Variants in ATXN7 observed in about 807,000 individuals in gnomAD.
The protein encoded by ATXN7 is ataxin-7.
In ATXN7, 12 loss-of-function variants were observed where a neutral mutation model predicts 70.5. That is an observed-to-expected ratio of 0.17 (90% CI 0.11 to 0.28). The LOEUF (loss-of-function observed/expected upper bound fraction) is 0.28, where lower values mean the gene tolerates loss of function less well. Among genes scored for constraint, ATXN7 ranks in the 10% least tolerant of loss-of-function variants. The pLI is 1.00. For missense variants in ATXN7, 1,256 were observed against 1,131.7 expected (o/e 1.11, Z -1.58); for synonymous variants, 498 against 448.7 (o/e 1.11, Z -1.39).
chr3:63,997,903 GTTA>G (rs1293519795), intron 12 of ATXN7: 1 of 985,224 alleles, frequency 1.0e-6, no homozygotes, highest in African/African-American at 1.7e-5. Flanking sequence ...TGCATTATGG[GTTA>G]TTATATGTTG....
At chr3:63,923,864 G>A (rs1704598186) in intron 4 of ATXN7, among the ~76,000 whole-genome samples, 1 of 152,172 alleles carries the variant, frequency 6.6e-6, no homozygotes, top group Admixed American at 6.5e-5. Context: ...GAAGGGGGAG[G>A]AATGTAGGGA....
At position 63,996,205 on chromosome 3, in the gene ATXN7, G is replaced by A. The variant is rs781517406; in HGVS notation, c.2383G>A (p.Val795Met). Residue 795 changes from valine to methionine, a missense_variant, in exon 12 of 13, where the codon GTG (valine) becomes ATG (methionine). Val to Met is a conservative substitution (Grantham distance 21). Coordinates refer to ENST00000674280, the MANE Select transcript of ATXN7 (RefSeq NM_001377405.1). The stretch of plus-strand genomic sequence containing the variant: ...ATCCATCAAGAGGATGAGTGTGATG[G>A]TGAACAGCAGTGATTCTACTCTTTC... Reference protein sequence around the residue: ...AESIKRMSVMVNSSDSTLSLG... With the variant: ...AESIKRMSVMMNSSDSTLSLG... 136 of 1,614,044 alleles carry A rather than the reference G, an allele frequency of 8.4e-5. No homozygotes were observed. Among genetic ancestry groups the A allele is most frequent in the Non-Finnish European group, 1.1e-4 (132 of 1,180,040 alleles).
chr3:63,875,771 A>T (rs1702731576), intron 1 of ATXN7, among the ~76,000 whole-genome samples: 1 of 152,096 alleles, frequency 6.6e-6, no homozygotes, highest in Non-Finnish European at 1.5e-5. Context: ...AGCACTTGAC[A>T]CTTTTGTTTA....
intron 4 of ATXN7, among the ~76,000 whole-genome samples, chr3:63,949,475 GGCA>G (rs2074918781): frequency 6.6e-6 from 1 of 151,928 alleles, no homozygotes; most frequent in East Asian, 1.9e-4. Context: ...CTTGGCTCAT[GGCA>G]ACCTCCACCT....
intron 5 of ATXN7, among the ~76,000 whole-genome samples, chr3:63,957,351 C>A (rs919837324): frequency 1.3e-5 from 2 of 152,160 alleles, no homozygotes; most frequent in Non-Finnish European, 2.9e-5. Flanking sequence ...ATTTGTTCAC[C>A]TTTGGGCTCA....
intron 2 of ATXN7, among the ~76,000 whole-genome samples, chr3:63,907,190 C>A (rs1178673616): frequency 6.6e-6 from 1 of 152,150 alleles, no homozygotes; most frequent in Non-Finnish European, 1.5e-5. Flanking sequence ...CACAGAGAGG[C>A]TAAGTGATTT....
intron 1 of ATXN7, among the ~76,000 whole-genome samples, chr3:63,869,856 A>T (rs1396609102): frequency 6.6e-6 from 1 of 152,230 alleles, no homozygotes; most frequent in Non-Finnish European, 1.5e-5. Flanking sequence ...CAGGTATCCC[A>T]ACATCTTGAT....
At chr3:63,990,942 G>A in intron 11 of ATXN7, 83 bp downstream of exon 11, 7 of 1,596,112 alleles carry the variant, frequency 4.4e-6, no homozygotes, top group African/African-American at 2.7e-5. Flanking sequence ...CTGATGTTAT[G>A]AAGATATGCT....
intron 4 of ATXN7, among the ~76,000 whole-genome samples, chr3:63,914,929 T>C (rs995743448): frequency 6.6e-6 from 1 of 152,174 alleles, no homozygotes; most frequent in Admixed American, 6.5e-5. Context: ...TTTTGTTTTG[T>C]TTTTTGAGAC....
rs533422219 is a variant in ATXN7, at chr3:63,870,849, C to T, written c.-111+6691C>T. 3.9e-5 allele frequency among the ~76,000 whole-genome samples: 6 copies of T among 152,138 alleles called. No individual in the cohort carries two copies. The South Asian group carries it at 1.0e-3, about 26-fold the overall frequency. On this transcript the variant is annotated intron_variant, in intron 1 of 12. Coordinates refer to ENST00000674280, the MANE Select transcript of ATXN7 (RefSeq NM_001377405.1). Reference sequence around the variant, plus strand: ...GATATGTTTGGCTTTATAAAGCACACAAAAATTCCTCTTGTGTTCTAACCC... The same window carrying T: ...GATATGTTTGGCTTTATAAAGCACATAAAAATTCCTCTTGTGTTCTAACCC...
In ATXN7 at chr3:63,999,757, T is replaced by G; in HGVS notation, c.*290T>G. The stretch of plus-strand genomic sequence containing the variant: ...CTACCAATCTGTGAGAAGTTTTTGT[T>G]TTTGTTTTGTTTTTTAACTTGCAGT... On this transcript the variant is annotated 3_prime_UTR_variant, in exon 13 of 13. Coordinates refer to ENST00000674280, the MANE Select transcript of ATXN7 (RefSeq NM_001377405.1). 1 of 565,454 alleles carries G rather than the reference T, an allele frequency of 1.8e-6. No individual in the cohort carries two copies. Among genetic ancestry groups the G allele is most frequent in the Admixed American group, 3.1e-5 (1 of 32,678 alleles). 35.0% of individuals were successfully genotyped at this position (565,454 alleles called of 1,614,324 possible).
intron 5 of ATXN7, among the ~76,000 whole-genome samples, chr3:63,976,988 C>T (rs2075399026): frequency 6.6e-6 from 1 of 152,198 alleles, no homozygotes; most frequent in Non-Finnish European, 1.5e-5. Context: ...AGGGTTGCAG[C>T]TTGACTGTGA....
At chr3:63,901,298 T>G (rs918570226) in intron 2 of ATXN7, 2 of 152,226 alleles carry the variant, frequency 1.3e-5, no homozygotes, top group Admixed American at 1.3e-4. Flanking sequence ...TCTTTGCAAT[T>G]TGCAAGAATA....
rs1215274314 is a variant in ATXN7, at chr3:63,920,199, A to G, written c.394+6974A>G. Among the ~76,000 whole-genome samples the G allele has an allele frequency of 2.0e-5, 3 of 152,286 alleles. No individual in the cohort carries two copies. In the East Asian group the frequency reaches 5.8e-4, roughly 29 times the overall value. On this transcript the variant is annotated intron_variant, in intron 4 of 12. Coordinates refer to ENST00000674280, the MANE Select transcript of ATXN7 (RefSeq NM_001377405.1). The stretch of plus-strand genomic sequence containing the variant: ...TCATGTTTCGCAATTCATGGAGACC[A>G]TGCACATGTTTCCATGTGCACAGTA...
intron 5 of ATXN7, among the ~76,000 whole-genome samples, chr3:63,958,080 G>A (rs1250076353): frequency 2.0e-5 from 3 of 152,158 alleles, no homozygotes; most frequent in South Asian, 2.1e-4. Flanking sequence ...GTTCACAAAC[G>A]GAAGTGTCAA....
chr3:64,001,602 T>C lies in ATXN7; in HGVS notation c.*2135T>C, dbSNP rs1270056763. On this transcript the variant is annotated 3_prime_UTR_variant, in exon 13 of 13. Coordinates refer to ENST00000674280, the MANE Select transcript of ATXN7 (RefSeq NM_001377405.1). The stretch of plus-strand genomic sequence containing the variant: ...ACAAGTTGATTCAGACTAATGTAGA[T>C]ATTTAGATTAGCAAGTATTGAACAT... The C allele has an allele frequency of 6.6e-6, 1 of 152,252 alleles. No individual in the cohort carries two copies. The highest frequency in any genetic ancestry group is 1.5e-5 in the Non-Finnish European group (1 of 68,038). The allele number at this position is 152,252 out of a possible 1,614,324, so 9.4% of individuals were successfully genotyped here.
chr3:63,999,292 G>A lies in ATXN7; in HGVS notation c.2662-158G>A, dbSNP rs1332400441. 6 of 632,998 alleles carry A rather than the reference G, an allele frequency of 9.5e-6. No homozygotes were observed. The East Asian group carries it at 1.7e-4, about 17-fold the overall frequency. 39.2% of individuals were successfully genotyped at this position (632,998 alleles called of 1,614,324 possible). On this transcript the variant is annotated intron_variant, in intron 12 of 12. Coordinates refer to ENST00000674280, the MANE Select transcript of ATXN7 (RefSeq NM_001377405.1). ...AGTAGTGAAGGCATTTGAAAGCTAA[G>A]AACAAAATCTATAGCTGACTGTTCC...
chr3:63,938,625 T>C (rs1186723396), intron 4 of ATXN7, among the ~76,000 whole-genome samples: 1 of 152,200 alleles, frequency 6.6e-6, no homozygotes, highest in East Asian at 1.9e-4. Flanking sequence ...AAAAGAACAG[T>C]TCACACTTAC....
chr3:63,980,336 CTT>C, intron 6 of ATXN7, 169 bp downstream of exon 6: 1 of 910,438 alleles, frequency 1.1e-6, no homozygotes, highest in Non-Finnish European at 1.6e-6. Flanking sequence ...TCATAGGAAA[CTT>C]TTCAGAGTAG....
Sources: gnomAD v4.1 joint callset for allele counts (sites outside exome capture counted in the v4.1 genomes callset) on GRCh38, gnomAD v4.1.1 for gene constraint, MANE v1.5 for transcripts, NCBI Gene and HGNC (gene_info 2026-07-23, HGNC 2026-07-21) for gene names.